Variants in HHAT observed in about 807,000 individuals in gnomAD.
HHAT encodes protein-cysteine N-palmitoyltransferase HHAT.
HHAT carries 47 observed loss-of-function variants against 70.8 expected under a neutral mutation model. That is an observed-to-expected ratio of 0.66 (90% CI 0.53 to 0.85). The LOEUF is 0.85. HHAT is among the 40% of genes least tolerant of loss of function. The pLI is 0.00. For missense variants in HHAT, 609 were observed against 604.8 expected (o/e 1.01, Z -0.07); for synonymous variants, 228 against 247.6 (o/e 0.92, Z 0.74).
chr1:210,343,588 T>A (rs905251576), intron 1 of HHAT, among the ~76,000 whole-genome samples: 1 of 152,016 alleles, frequency 6.6e-6, no homozygotes, highest in Non-Finnish European at 1.5e-5. Context: ...GAGGTGAAAA[T>A]GAAAGTGGAA....
intron 6 of HHAT, among the ~76,000 whole-genome samples, chr1:210,413,245 A>G (rs939823115): frequency 1.8e-4 from 27 of 152,218 alleles, no homozygotes; most frequent in African/African-American, 5.8e-4. Context: ...CCAGCCTTTC[A>G]TTATTTTATG....
intron 2 of HHAT, among the ~76,000 whole-genome samples, chr1:210,353,645 TG>T (rs973247402): frequency 9.9e-5 from 15 of 152,222 alleles, no homozygotes; most frequent in African/African-American, 3.6e-4. Context: ...AAAAATTTTT[TG>T]GTGTTTCATT....
At chr1:210,577,666 G>A (rs1222091424) in intron 9 of HHAT, among the ~76,000 whole-genome samples, 5 of 17,144 alleles carry the variant, frequency 2.9e-4, no homozygotes, top group Non-Finnish European at 4.5e-4. Flanking sequence ...TTTTTTTTTC[G>A]AAATGGAGTC....
chr1:210,569,125 TCA>T (rs1655496045), intron 9 of HHAT, among the ~76,000 whole-genome samples: 1 of 151,966 alleles, frequency 6.6e-6, no homozygotes, highest in South Asian at 2.1e-4. Flanking sequence ...TGTAATCCCA[TCA>T]CTTTGGGAGG....
At chr1:210,533,212 A>C (rs957861945) in intron 9 of HHAT, among the ~76,000 whole-genome samples, 3 of 151,518 alleles carry the variant, frequency 2.0e-5, no homozygotes, top group Non-Finnish European at 3.0e-5. Context: ...CAGGAGTGAT[A>C]AGTGGGTGAG....
At chr1:210,481,607 C>T (rs1368477199) in intron 8 of HHAT, among the ~76,000 whole-genome samples, 1 of 152,156 alleles carries the variant, frequency 6.6e-6, no homozygotes, top group African/African-American at 2.4e-5. Flanking sequence ...TGGCATGGGC[C>T]TTGTCGGATC....
chr1:210,570,560 C>T (rs1208262906), intron 9 of HHAT, among the ~76,000 whole-genome samples: 2 of 152,134 alleles, frequency 1.3e-5, no homozygotes, highest in African/African-American at 4.8e-5. Context: ...CTGAGGAAGA[C>T]AGCGAGCCAC....
intron 7 of HHAT, among the ~76,000 whole-genome samples, chr1:210,454,818 T>G (rs1172806910): frequency 1.3e-5 from 2 of 152,206 alleles, no homozygotes; most frequent in Admixed American, 1.3e-4. Flanking sequence ...GAAGCAATTT[T>G]CCAAAACCAA....
At chr1:210,378,062 C>T (rs530499714) in intron 3 of HHAT, among the ~76,000 whole-genome samples, 11 of 152,290 alleles carry the variant, frequency 7.2e-5, no homozygotes, top group African/African-American at 2.6e-4. Flanking sequence ...AGAAAAGCAG[C>T]TGTTGAAGGA....
At chr1:210,421,500 C>T (rs1426219153) in intron 7 of HHAT, among the ~76,000 whole-genome samples, 7 of 152,260 alleles carry the variant, frequency 4.6e-5, no homozygotes, top group African/African-American at 1.7e-4. Context: ...GGCTGAAGTA[C>T]AGTGGGGCGA....
intron 9 of HHAT, among the ~76,000 whole-genome samples, chr1:210,567,143 C>G (rs1352786225): frequency 6.6e-6 from 1 of 152,184 alleles, no homozygotes; most frequent in East Asian, 1.9e-4. Context: ...TGAGGGGTGT[C>G]AGGGAACTCT....
At chr1:210,615,650 C>G (rs984456098) in intron 10 of HHAT, among the ~76,000 whole-genome samples, 4 of 152,234 alleles carry the variant, frequency 2.6e-5, no homozygotes, top group African/African-American at 7.2e-5. Flanking sequence ...AGTTTTCCTT[C>G]TAACAGTCAG....
chr1:210,473,003 G>A (rs554415898), intron 8 of HHAT, among the ~76,000 whole-genome samples: 68 of 152,216 alleles, frequency 4.5e-4, no homozygotes, highest in African/African-American at 1.6e-3. Context: ...GGCAATAGAT[G>A]GCAAATATAT....
At chr1:210,659,480 A>T (rs1420165701) in intron 11 of HHAT, among the ~76,000 whole-genome samples, 1 of 152,212 alleles carries the variant, frequency 6.6e-6, no homozygotes, top group Non-Finnish European at 1.5e-5. Flanking sequence ...AGACAGATTC[A>T]CCAGAGGTAC....
chr1:210,668,874 A>C (rs1321590260), intron 11 of HHAT, among the ~76,000 whole-genome samples: 1 of 152,130 alleles, frequency 6.6e-6, no homozygotes, highest in East Asian at 1.9e-4. Context: ...CCCAGGTTCA[A>C]GTGATTCTCC....
chr1:210,510,816 A>G (rs2094940191), intron 8 of HHAT, among the ~76,000 whole-genome samples: 1 of 152,156 alleles, frequency 6.6e-6, no homozygotes, highest in Non-Finnish European at 1.5e-5. Context: ...TAGGTTTTTC[A>G]TTACTGTTTC....
chr1:210,504,366 A>C (rs894485423), intron 8 of HHAT, among the ~76,000 whole-genome samples: 4 of 152,232 alleles, frequency 2.6e-5, no homozygotes, highest in African/African-American at 9.6e-5. Flanking sequence ...TACCTACTAC[A>C]TTTATTCCCT....
chr1:210,547,369 A>G (rs781109069), intron 9 of HHAT, among the ~76,000 whole-genome samples: 3 of 152,186 alleles, frequency 2.0e-5, no homozygotes, highest in Non-Finnish European at 2.9e-5. Flanking sequence ...TTTGATTCAT[A>G]ATTTGGATAG....
chr1:210,445,318 A>G (rs80074428), intron 7 of HHAT, among the ~76,000 whole-genome samples: 16,714 of 152,056 alleles, frequency 0.11, 1,165 homozygotes, highest in East Asian at 0.21. Flanking sequence ...TTTACAGACT[A>G]TTTTCTTTTT....
Sources: allele counts gnomAD v4.1 joint callset (sites outside exome capture counted in the v4.1 genomes callset), GRCh38; gene constraint gnomAD v4.1.1; transcripts MANE v1.5; gene names NCBI Gene and HGNC (gene_info 2026-07-23, HGNC 2026-07-21).